STAT5A: variants seen among roughly 807,000 people sequenced by gnomAD.
STAT5A encodes the protein epididymis secretory sperm binding protein.
A neutral mutation model predicts 100.2 loss-of-function variants in STAT5A; 26 were observed. That is an observed-to-expected ratio of 0.26 (90% confidence interval 0.19 to 0.36). The LOEUF is 0.36. Ranked by LOEUF, STAT5A falls within the 10% of genes least tolerant of loss-of-function variation. The probability of loss-of-function intolerance (pLI) is 1.00; values close to 1 mark genes in which losing one functional copy is unlikely to be tolerated. For missense variants in STAT5A, 634 were observed against 1,027.5 expected (o/e 0.62, Z 5.24); for synonymous variants, 330 against 424.3 (o/e 0.78, Z 2.73).
chr17:42,303,422 A>C (rs1314750091), intron 9 of STAT5A, among the ~76,000 whole-genome samples: 1 of 151,760 alleles, frequency 6.6e-6, no homozygotes, highest in Non-Finnish European at 1.5e-5. Flanking sequence ...AAGACAGAGC[A>C]ATCTAGGCTG....
intron 1 of STAT5A, 197 bp from the exon 2 acceptor site, chr17:42,289,205 A>G: frequency 1.9e-6 from 1 of 515,130 alleles, no homozygotes; most frequent in African/African-American, 2.0e-5. Context: ...CCTCCCCTTC[A>G]GCGGGTTCCT....
rs573476741 is a variant in STAT5A at position 42,292,637 on chromosome 17, T to C, written c.375+576T>C. 5.3e-4 allele frequency among the ~76,000 whole-genome samples: 79 copies of C among 147,848 alleles called. 1 individual carries two copies. Among genetic ancestry groups the C allele is most frequent in the African/African-American group, 1.8e-3 (71 of 39,874 alleles). ...ACCACGCTTGGCGCCTACTGTTTTT[T>C]CCCCCCCGAGATGCAGTCTTGCTCT... On this transcript the variant is annotated intron_variant, in intron 4 of 18. Coordinates refer to ENST00000590949, the MANE Select transcript of STAT5A (RefSeq NM_001288718.2).
chr17:42,311,417 G>GAT lies in STAT5A; in HGVS notation c.*755_*756dup, dbSNP rs1315184623. ...TGATGCTGTTGCCCACGTTTCCCGG[G>GAT]ATATATATTCTCTCCCCTCCGTTGG... On this transcript the variant is annotated 3_prime_UTR_variant, in exon 19 of 19. Coordinates refer to ENST00000590949, the MANE Select transcript of STAT5A (RefSeq NM_001288718.2). 3 of 152,382 alleles carry GAT rather than the reference G, an allele frequency of 2.0e-5. No individual in the cohort carries two copies. The East Asian group carries it at 5.7e-4, about 29-fold the overall frequency. The allele number at this position is 152,382 out of a possible 1,614,324, so 9.4% of individuals were successfully genotyped here.
chr17:42,289,176 C>A (rs1299536944), intron 1 of STAT5A: 1 of 444,604 alleles, frequency 2.2e-6, no homozygotes, highest in Non-Finnish European at 4.0e-6. Flanking sequence ...AGGGCACCTG[C>A]CTCTGCAGAG....
At position 42,308,545 on chromosome 17, in the gene STAT5A, A is replaced by C. The variant is rs961576002; in HGVS notation, c.2062+212A>C. 5 of 644,926 alleles carry C rather than the reference A, an allele frequency of 7.8e-6. No individual in the cohort carries two copies. The African/African-American group carries it at 9.2e-5, about 12-fold the overall frequency. 40.0% of individuals were successfully genotyped at this position (644,926 alleles called of 1,614,324 possible). A position where few individuals can be genotyped will look rare whatever the true frequency, so the allele number is the denominator to read the frequency against. ...AACCCGTCCCAGCTCTCTTCTCTGC[A>C]AAGTGAAAGCTGCATGGATTCTCAC... is the stretch of plus-strand genomic sequence containing the variant. On this transcript the variant is annotated intron_variant, in intron 16 of 18. Coordinates refer to ENST00000590949, the MANE Select transcript of STAT5A (RefSeq NM_001288718.2). The surrounding 1 kb of genome is among the most constrained non-coding windows in gnomAD (Gnocchi z 4.6).
At chr17:42,299,310 G>A (rs1465089511) in intron 5 of STAT5A, among the ~76,000 whole-genome samples, 1 of 152,238 alleles carries the variant, frequency 6.6e-6, no homozygotes, top group Non-Finnish European at 1.5e-5. Context: ...ACTGAGGCAG[G>A]TGCTGAGAAT....
At position 42,304,174 on chromosome 17, in the gene STAT5A, A is replaced by T. The variant is rs1215028118; in HGVS notation, c.1170-168A>T. ...GCCTTGGGTGCTGGGCACCAGGTTG[A>T]TGGAGAAGTCAGTAACCCAGAAAGA... On this transcript the variant is annotated intron_variant, in intron 9 of 18. Coordinates refer to ENST00000590949, the MANE Select transcript of STAT5A (RefSeq NM_001288718.2). This position sits in a 1 kb window ranked among gnomAD's most constrained non-coding sequence, Gnocchi z 4.8. 1.6e-6 allele frequency: 1 copy of T among 633,552 alleles called. No homozygotes were observed. The highest frequency in any genetic ancestry group is 1.8e-5 in the African/African-American group (1 of 54,650). The allele number at this position is 633,552 out of a possible 1,614,324, so 39.2% of individuals were successfully genotyped here. A position where few individuals can be genotyped will look rare whatever the true frequency, so the allele number is the denominator to read the frequency against.
chr17:42,310,392 CT>C, intron 18 of STAT5A, 114 bp from the exon 19 acceptor site: 1 of 1,206,408 alleles, frequency 8.3e-7, no homozygotes, highest in Non-Finnish European at 1.2e-6. Context: ...CCAGCCAGAA[CT>C]GGTCCTGTTC....
At chr17:42,290,999 CA>C (rs753231939) in intron 3 of STAT5A, among the ~76,000 whole-genome samples, 13 of 152,154 alleles carry the variant, frequency 8.5e-5, no homozygotes, top group Non-Finnish European at 1.3e-4. Context: ...ATTGTTATTA[CA>C]TTGTGCTATG....
rs1325662414 is a variant in STAT5A, at chr17:42,288,753, C to CG, written c.-11+161dup. Among the ~76,000 whole-genome samples, 3 of 152,090 alleles carry CG rather than the reference C, an allele frequency of 2.0e-5. No individual in the cohort carries two copies. The highest frequency in any genetic ancestry group is 2.1e-4 in the South Asian group (1 of 4,826). On this transcript the variant is annotated intron_variant, in intron 1 of 18. Coordinates refer to ENST00000590949, the MANE Select transcript of STAT5A (RefSeq NM_001288718.2). This position sits in a 1 kb window ranked among gnomAD's most constrained non-coding sequence, Gnocchi z 4.8. Reference sequence around the variant, plus strand: ...GAGTTGGCCCAGCGCAGACGAGGGACGGGGGGACGTGGGGACAGGGGTCGG... The same window carrying CG: ...GAGTTGGCCCAGCGCAGACGAGGGACGGGGGGGACGTGGGGACAGGGGTCGG...
intron 12 of STAT5A, 40 bp from the exon 13 acceptor site, chr17:42,306,201 C>A: frequency 6.2e-7 from 1 of 1,613,908 alleles, no homozygotes; most frequent in Non-Finnish European, 8.5e-7. Flanking sequence ...ATTTCCAACT[C>A]CCTCAATCTA....
chr17:42,293,132 C>T (rs946990291), intron 4 of STAT5A, among the ~76,000 whole-genome samples: 1 of 152,244 alleles, frequency 6.6e-6, no homozygotes, highest in Non-Finnish European at 1.5e-5. Context: ...AATTTCACAA[C>T]ATGACGTGAC....
intron 9 of STAT5A, among the ~76,000 whole-genome samples, chr17:42,302,508 T>C (rs1290825122): frequency 4.5e-5 from 5 of 110,394 alleles, no homozygotes; most frequent in African/African-American, 2.8e-4. Flanking sequence ...TACAGAGACA[T>C]TATGTGTAGC....
At chr17:42,299,958 CCAGCATGAGAG>C (rs2144529359) in intron 6 of STAT5A, 77 bp downstream of exon 6, 1 of 1,492,992 alleles carries the variant, frequency 6.7e-7, no homozygotes. Flanking sequence ...AGGGCTGGGA[CCAGCATGAGAG>C]CAGAACCTGG....
Position 42,289,481 on chromosome 17 carries a change from C to G in STAT5A, c.70C>G (p.Gln24Glu). The G allele has an allele frequency of 6.2e-7, 1 of 1,613,258 alleles. No homozygotes were observed. Among genetic ancestry groups the G allele is most frequent in the Non-Finnish European group, 8.5e-7 (1 of 1,179,948 alleles). The change falls in exon 2 of 19, where the codon CAG (glutamine) becomes GAG (glutamate). Residue 24 changes from glutamine (Q) to glutamate (E), a missense_variant. By Grantham distance (29) the Gln-to-Glu change is conservative. Coordinates refer to ENST00000590949, the MANE Select transcript of STAT5A (RefSeq NM_001288718.2). ...GCGCCAGATGCAGGTGCTGTACGGC[C>G]AGCACTTCCCCATCGAGGTCCGGCA... ...ALRQMQVLYG[Q>E]HFPIEVRHYL...
Position 42,301,247 on chromosome 17 carries a change from C to T in STAT5A, c.990-28C>T, listed in dbSNP as rs748046845. The T allele has an allele frequency of 7.5e-6, 12 of 1,607,324 alleles. No homozygotes were observed. In the Admixed American group the frequency reaches 1.0e-4, roughly 13 times the overall value. On this transcript the variant is annotated intron_variant, in intron 8 of 18. Transcript: ENST00000590949. ...CCTTTCCCCTGCGCCAACCCCTCAT[C>T]GTGTGTCTGTCCCTGTGTCCCATGC...
At chr17:42,287,498 C>T (rs2080824973), upstream of STAT5A, 2 of 152,492 alleles carry the variant, frequency 1.3e-5, no homozygotes, top group Admixed American at 1.3e-4. Flanking sequence ...TTACCAAACC[C>T]CTTGGGCCTC....
At chr17:42,299,605 C>G in intron 5 of STAT5A, 146 bp from the exon 6 acceptor site, 1 of 1,374,304 alleles carries the variant, frequency 7.3e-7, no homozygotes, top group Non-Finnish European at 9.8e-7. Flanking sequence ...CATCTTGGCC[C>G]CCCTGGCTGT....
At chr17:42,297,266 T>C (rs2144518638) in intron 5 of STAT5A, among the ~76,000 whole-genome samples, 1 of 152,272 alleles carries the variant, frequency 6.6e-6, no homozygotes, top group South Asian at 2.1e-4. Flanking sequence ...TAAGAGAATT[T>C]CCCCTCATCT....
Sources: allele counts gnomAD v4.1 joint callset (sites outside exome capture counted in the v4.1 genomes callset), GRCh38; gene constraint gnomAD v4.1.1; non-coding constraint Gnocchi (gnomAD v3.1); transcripts MANE v1.5; gene names NCBI Gene and HGNC (gene_info 2026-07-23, HGNC 2026-07-21).